Variants in RNF145 observed in about 807,000 individuals in gnomAD.
RNF145 encodes the protein ring finger protein 145.
Under a neutral mutation model 57.3 loss-of-function variants are expected in RNF145, and 12 were observed. That is an observed-to-expected ratio of 0.21 (90% CI 0.13 to 0.34). The LOEUF (loss-of-function observed/expected upper bound fraction) is 0.34, where lower values mean the gene tolerates loss of function less well. Among genes scored for constraint, RNF145 ranks in the 10% least tolerant of loss-of-function variants. RNF145 has a pLI of 1.00. For synonymous variants in RNF145, 262 were observed against 288.3 expected (o/e 0.91, Z 0.92); for missense variants, 429 against 799.0 (o/e 0.54, Z 5.58).
intron 3 of RNF145, among the ~76,000 whole-genome samples, chr5:159,186,781 C>A (rs6871659): frequency 0.86 from 131,351 of 152,148 alleles, 57,085 homozygotes; most frequent in African/African-American, 0.96. Context: ...AAAAGCAGAA[C>A]ACATGTCAAA....
At chr5:159,207,578 A>G in intron 1 of RNF145, 2 of 1,593,368 alleles carry the variant, frequency 1.3e-6, no homozygotes, top group East Asian at 2.2e-5. Flanking sequence ...ATCGGTTAGG[A>G]TGGTAGGCCT....
intron 3 of RNF145, among the ~76,000 whole-genome samples, chr5:159,187,460 T>A (rs112523603): frequency 6.6e-6 from 1 of 151,596 alleles, no homozygotes; most frequent in African/African-American, 2.4e-5. Context: ...CCTGAGTAGC[T>A]TAGATTATAG....
chr5:159,201,214 C>T (rs1025768062), intron 2 of RNF145, among the ~76,000 whole-genome samples: 1 of 152,120 alleles, frequency 6.6e-6, no homozygotes, highest in Non-Finnish European at 1.5e-5. Flanking sequence ...ATACATAGTT[C>T]CACAGGGTCA....
chr5:159,198,406 G>A (rs1785535461), intron 2 of RNF145, among the ~76,000 whole-genome samples: 1 of 152,196 alleles, frequency 6.6e-6, no homozygotes, highest in African/African-American at 2.4e-5. Context: ...TATGGTAGTT[G>A]TAGGGTAAAC....
Position 159,168,834 on chromosome 5 carries a change from T to C in RNF145, c.1121+39A>G, listed in dbSNP as rs762519087. The C allele has an allele frequency of 3.8e-6, 5 of 1,307,424 alleles. No individual in the cohort carries two copies. In the East Asian group the frequency reaches 1.0e-4, roughly 26 times the overall value. The allele number at this position is 1,307,424 out of a possible 1,614,324, so 81.0% of individuals were successfully genotyped here. A position where few individuals can be genotyped will look rare whatever the true frequency, so the allele number is the denominator to read the frequency against. ...GACAACAAATGCATGTAAAGAATATTACATGAGTTAATTTAAAGAATATTA... is the reference window on the plus strand; with the variant it reads ...GACAACAAATGCATGTAAAGAATATCACATGAGTTAATTTAAAGAATATTA... On this transcript the variant is annotated intron_variant, in intron 8 of 10. Transcript: ENST00000424310.
chr5:159,171,026 A>G (rs2113116951), intron 6 of RNF145, among the ~76,000 whole-genome samples: 1 of 152,270 alleles, frequency 6.6e-6, no homozygotes, highest in South Asian at 2.1e-4. Context: ...TCTTTCCTAC[A>G]CAATTGCTTA....
At chr5:159,197,408 T>C (rs1308461503) in intron 2 of RNF145, among the ~76,000 whole-genome samples, 1 of 152,214 alleles carries the variant, frequency 6.6e-6, no homozygotes, top group African/African-American at 2.4e-5. Flanking sequence ...TAGCTAATGG[T>C]TCTCAAATTC....
At chr5:159,206,558 T>G (rs1222899499) in intron 1 of RNF145, among the ~76,000 whole-genome samples, 1 of 152,180 alleles carries the variant, frequency 6.6e-6, no homozygotes, top group Non-Finnish European at 1.5e-5. Flanking sequence ...AATCACTATA[T>G]CATACAAACA....
chr5:159,158,734 G>A lies in RNF145; in HGVS notation c.1928C>T (p.Ala643Val), dbSNP rs144799125. Residue 643 changes from alanine (A) to valine (V), a missense_variant, in exon 11 of 11, where the codon GCT (alanine) becomes GTT (valine). Around this residue, in one of 4 missense-constraint regions of RNF145, gnomAD observed 102 missense variants for 106.2 expected, o/e 0.96. Transcript: ENST00000424310. Reference sequence around the variant, plus strand: ...GTGAGGATATTCTTTGGGGTCAAAAGCCCCTTCCTGGTTATCTGGTCGTCT... The same window carrying A: ...GTGAGGATATTCTTTGGGGTCAAAAACCCCTTCCTGGTTATCTGGTCGTCT... The part of the protein sequence containing the change: ...IARRPDNQEG[A>V]FDPKEYPHSA... The A allele has an allele frequency of 3.1e-4, 505 of 1,613,822 alleles. 1 individual carries two copies. The highest frequency in any genetic ancestry group is 7.5e-5 in the Non-Finnish European group (88 of 1,179,852).
intron 3 of RNF145, among the ~76,000 whole-genome samples, chr5:159,188,154 G>A (rs540958100): frequency 6.1e-4 from 93 of 152,190 alleles, no homozygotes; most frequent in Non-Finnish European, 1.0e-3. Context: ...AGGCCAAGGC[G>A]GGCGGATCAC....
chr5:159,162,954 C>G lies in RNF145; in HGVS notation c.1247G>C (p.Ser416Thr). ...MDFWLLIIIS[S>T]SILTSLQVLG... is the part of the protein sequence containing the mutation. ...TACCTGAAGAGAGGTAAGAATGCTG[C>G]TGGAAATAATGATAAGAAGCCAAAA... is the stretch of plus-strand genomic sequence containing the variant. The change falls in exon 9 of 11, where the codon AGC becomes ACC. Residue 416 changes from serine to threonine, a missense_variant. By Grantham distance (58) the Ser-to-Thr change is moderately conservative (BLOSUM62 1). Around this residue, in one of 4 missense-constraint regions of RNF145, gnomAD observed 216 missense variants for 457.6 expected, o/e 0.47. Transcript: ENST00000424310. The G allele has an allele frequency of 6.2e-7, 1 of 1,611,264 alleles. No individual in the cohort carries two copies. Among genetic ancestry groups the G allele is most frequent in the South Asian group, 1.1e-5 (1 of 90,456 alleles).
chr5:159,208,254 T>A, intron 1 of RNF145: 1 of 811,350 alleles, frequency 1.2e-6, no homozygotes, highest in Non-Finnish European at 1.7e-6. Context: ...GCTAAGAGAT[T>A]ACGTTCAGCA....
chr5:159,199,413 GAAA>G, intron 2 of RNF145, among the ~76,000 whole-genome samples: 1 of 150,944 alleles, frequency 6.6e-6, no homozygotes, highest in South Asian at 2.1e-4. Flanking sequence ...ACACTTTCAA[GAAA>G]GAGGAAGTGG....
At position 159,160,510 on chromosome 5, in the gene RNF145, T is replaced by G. The variant is rs77247779; in HGVS notation, c.1626+756A>C. On this transcript the variant is annotated intron_variant, in intron 10 of 10. Coordinates refer to ENST00000424310, the MANE Select transcript of RNF145 (RefSeq NM_001199383.2). The stretch of plus-strand genomic sequence containing the variant: ...TTTTATTCTACCAGCCTACACTCTT[T>G]GAGTGACTTTAAAAATGGGACATAG... Among the ~76,000 whole-genome samples, 1,407 of 152,316 alleles carry G rather than the reference T, an allele frequency of 9.2e-3. 14 individuals are homozygous for G. Among genetic ancestry groups the G allele is most frequent in the Non-Finnish European group, 0.013 (854 of 68,030 alleles).
rs570196718 is a variant in RNF145 at position 159,158,609 on chromosome 5, A to T, written c.*61T>A. On this transcript the variant is annotated 3_prime_UTR_variant, in exon 11 of 11. Transcript: ENST00000424310. ...TTTCATTCCTCAAATCAGAACATGA[A>T]TTCCATCTTGAGTTAACTTCTCCTC... 2.8e-4 allele frequency: 432 copies of T among 1,542,462 alleles called. 1 individual carries two copies. Among genetic ancestry groups the T allele is most frequent in the Non-Finnish European group, 4.0e-5 (46 of 1,140,810 alleles).
chr5:159,161,294 T>A lies in RNF145; in HGVS notation c.1598A>T (p.His533Leu). Residue 533 changes from histidine to leucine, a missense_variant, in exon 10 of 11, where the codon CAC becomes CTC. Physicochemically the swap from His to Leu is moderately conservative, Grantham distance 99. Transcript: ENST00000424310. The stretch of plus-strand genomic sequence containing the variant: ...ATAACAGATGGCACAAATATCATTG[T>A]GTTTCTCAAGCTGCTCTTTCGTAGC... The part of the protein sequence containing the change: ...PIATKEQLEK[H>L]NDICAICYQD... 1 of 1,612,164 alleles carries A rather than the reference T, an allele frequency of 6.2e-7. No homozygotes were observed. The highest frequency in any genetic ancestry group is 8.5e-7 in the Non-Finnish European group (1 of 1,178,488).
At position 159,208,065 on chromosome 5, in the gene RNF145, C is replaced by A. The variant is rs1048733455; in HGVS notation, c.-40+1166G>T. The stretch of plus-strand genomic sequence containing the variant: ...CTTTACTGCAGACTGCGACGCAAGG[C>A]CATCCACTAATCTTTGATGCCTGCT... On this transcript the variant is annotated intron_variant, in intron 1 of 10. Transcript: ENST00000424310. 8 of 1,492,676 alleles carry A rather than the reference C, an allele frequency of 5.4e-6. No homozygotes were observed. The African/African-American group carries it at 8.4e-5, about 16-fold the overall frequency. 92.5% of individuals were successfully genotyped at this position (1,492,676 alleles called of 1,614,324 possible). A position where few individuals can be genotyped will look rare whatever the true frequency, so the allele number is the denominator to read the frequency against.
At chr5:159,208,872 G>C (rs984572950) in intron 1 of RNF145, among the ~76,000 whole-genome samples, 1 of 144,586 alleles carries the variant, frequency 6.9e-6, no homozygotes, top group African/African-American at 2.5e-5. Context: ...TCTCAGGAAT[G>C]TAAGGGAGCG....
At chr5:159,187,857 C>A (rs918080554) in intron 3 of RNF145, among the ~76,000 whole-genome samples, 4 of 152,162 alleles carry the variant, frequency 2.6e-5, no homozygotes, top group Admixed American at 6.5e-5. Context: ...CAATCTACAA[C>A]TTTGAATTAT....
Sources: allele counts gnomAD v4.1 joint callset (sites outside exome capture counted in the v4.1 genomes callset), GRCh38; gene constraint gnomAD v4.1.1; regional missense constraint gnomAD v4.1.1; transcripts MANE v1.5; gene names NCBI Gene and HGNC (gene_info 2026-07-23, HGNC 2026-07-21).